NDST1: variants seen among roughly 807,000 people sequenced by gnomAD.
NDST1 encodes the protein N-deacetylase and N-sulfotransferase 1, also known as bifunctional heparan sulfate N-deacetylase/N-sulfotransferase 1.
A neutral mutation model predicts 92.8 loss-of-function variants in NDST1; 35 were observed. The ratio of observed to expected loss-of-function variants is 0.38; its 90% CI spans 0.29 to 0.50. The LOEUF (loss-of-function observed/expected upper bound fraction) is 0.50. Among genes scored for constraint, NDST1 ranks in the 20% least tolerant of loss-of-function variants. The pLI, the probability that NDST1 is intolerant of heterozygous loss-of-function variation, is 0.94. For synonymous variants in NDST1, 493 were observed against 500.3 expected, an observed-to-expected ratio of 0.99 and a Z score of 0.19; for missense variants, 822 against 1,182.7, an observed-to-expected ratio of 0.69 and a Z score of 4.47.
At chr5:150,516,154 G>A (rs1471331602) in intron 1 of NDST1, among the ~76,000 whole-genome samples, 4 of 152,220 alleles carry the variant, frequency 2.6e-5, no homozygotes, top group African/African-American at 7.2e-5. Flanking sequence ...AGAGGAGGAC[G>A]GCAGCCCTGG....
chr5:150,507,266 C>CTTT (rs377397910), upstream of NDST1, among the ~76,000 whole-genome samples: 66 of 146,910 alleles, frequency 4.5e-4, no homozygotes, highest in African/African-American at 1.6e-3. Flanking sequence ...ATAAACATAC[C>CTTT]TTTTTTTTTT....
At chr5:150,504,346 A>G (rs1459739711), upstream of NDST1, among the ~76,000 whole-genome samples, 1 of 152,194 alleles carries the variant, frequency 6.6e-6, no homozygotes, top group African/African-American at 2.4e-5. Flanking sequence ...AGAGCAAGGC[A>G]CTTGACCAAG....
At chr5:150,503,952 G>T (rs777812437), upstream of NDST1, among the ~76,000 whole-genome samples, 24 of 152,200 alleles carry the variant, frequency 1.6e-4, no homozygotes, top group Middle Eastern at 3.2e-3. Context: ...TCTGGACAGG[G>T]CTGATGGGTC....
intron 3 of NDST1, among the ~76,000 whole-genome samples, chr5:150,529,511 C>T (rs1023135840): frequency 1.3e-5 from 2 of 151,662 alleles, no homozygotes; most frequent in African/African-American, 2.4e-5. Flanking sequence ...CAAATTAAGA[C>T]CATTAAACAA....
intron 1 of NDST1, among the ~76,000 whole-genome samples, chr5:150,513,118 C>T (rs748335391): frequency 1.3e-5 from 2 of 151,412 alleles, no homozygotes; most frequent in East Asian, 1.9e-4. Context: ...ATCACTTGAG[C>T]GTGGGAAGTT....
rs751722605 is a variant in NDST1, at chr5:150,539,219, C to G, written c.1438-9C>G. On this transcript the variant is annotated splice_polypyrimidine_tract_variant and intron_variant, in intron 6 of 14. Transcript: ENST00000261797. ...GCACCATAGCTCCTCTCCCCCACCC[C>G]CTCCTCAGGTTCTCCCACGGCAGAC... The G allele has an allele frequency of 9.3e-6, 15 of 1,612,166 alleles. No individual in the cohort carries two copies. Among genetic ancestry groups the G allele is most frequent in the Non-Finnish European group, 1.1e-5 (13 of 1,178,340 alleles).
chr5:150,534,330 C>G (rs1018393383), intron 4 of NDST1, among the ~76,000 whole-genome samples: 1 of 152,198 alleles, frequency 6.6e-6, no homozygotes, highest in Middle Eastern at 3.4e-3. Context: ...TCTCAAACCT[C>G]TAGGCTCAAA....
At chr5:150,501,391 C>T (rs1241580359) in intron 1 of NDST1, among the ~76,000 whole-genome samples, 1 of 152,212 alleles carries the variant, frequency 6.6e-6, no homozygotes, top group Admixed American at 6.5e-5. Context: ...AGTTCTCCCT[C>T]ATGGCCAAAA....
chr5:150,542,065 T>C (rs1362855376), intron 9 of NDST1, among the ~76,000 whole-genome samples: 3 of 152,118 alleles, frequency 2.0e-5, no homozygotes, highest in Non-Finnish European at 4.4e-5. Flanking sequence ...TGCTAAGCAT[T>C]TGTCATCCAT....
upstream of NDST1, among the ~76,000 whole-genome samples, chr5:150,503,978 TG>T: frequency 6.6e-6 from 1 of 152,048 alleles, no homozygotes; most frequent in Non-Finnish European, 1.5e-5. Context: ...GATCCTGGAG[TG>T]GCAGTCCACT....
chr5:150,541,562 T>C lies in NDST1; in HGVS notation c.1750-8T>C. Reference sequence around the variant, plus strand: ...GCGCCCCACACATCCCTTCCACTGTTGTTTTAGGACCCCTGCGAGGACAAA... The same window carrying C: ...GCGCCCCACACATCCCTTCCACTGTCGTTTTAGGACCCCTGCGAGGACAAA... On this transcript the variant is annotated splice_polypyrimidine_tract_variant and splice_region_variant and intron_variant, in intron 8 of 14. Coordinates refer to ENST00000261797, the MANE Select transcript of NDST1 (RefSeq NM_001543.5). The C allele has an allele frequency of 6.2e-7, 1 of 1,614,088 alleles. No homozygotes were observed. Among genetic ancestry groups the C allele is most frequent in the Non-Finnish European group, 8.5e-7 (1 of 1,179,958 alleles).
At chr5:150,536,883 C>T (rs574135394) in intron 6 of NDST1, among the ~76,000 whole-genome samples, 20 of 152,352 alleles carry the variant, frequency 1.3e-4, no homozygotes, top group Non-Finnish European at 2.4e-4. Context: ...TATCCCTTTC[C>T]TTGGCACTGG....
At position 150,557,412 on chromosome 5, in the gene NDST1, C is replaced by G. The variant is rs1755892895; in HGVS notation, c.*4080C>G. On this transcript the variant is annotated 3_prime_UTR_variant, in exon 15 of 15. Coordinates refer to ENST00000261797, the MANE Select transcript of NDST1 (RefSeq NM_001543.5). The surrounding 1 kb of genome is among the most constrained non-coding windows in gnomAD (Gnocchi z 4.7). The stretch of plus-strand genomic sequence containing the variant: ...GTGTGCACTGGAGCAGAGCCAGGCT[C>G]TCAGTTGCAGCAGGGAAAAGCCTAC... The G allele has an allele frequency of 6.6e-6, 1 of 152,634 alleles. No homozygotes were observed. The highest frequency in any genetic ancestry group is 2.4e-5 in the African/African-American group (1 of 41,448). The allele number at this position is 152,634 out of a possible 1,614,324, so 9.5% of individuals were successfully genotyped here.
intron 6 of NDST1, among the ~76,000 whole-genome samples, chr5:150,537,908 T>C (rs1755067085): frequency 6.6e-6 from 1 of 152,052 alleles, no homozygotes; most frequent in African/African-American, 2.4e-5. Flanking sequence ...TTAGGGAAAA[T>C]AGAAAAGGAC....
intron 3 of NDST1, among the ~76,000 whole-genome samples, chr5:150,532,252 G>A (rs1217831922): frequency 6.6e-6 from 1 of 152,182 alleles, no homozygotes; most frequent in African/African-American, 2.4e-5. Context: ...CATACATGCG[G>A]TTATCTTACT....
Position 150,532,934 on chromosome 5 carries a change from G to A in NDST1, c.1009-11G>A. ...TCCCTCACTCATTCCTTTCTCCCCT[G>A]CCTGTCCTAGGCCCTGTTTGACACA... On this transcript the variant is annotated splice_polypyrimidine_tract_variant and intron_variant, in intron 3 of 14. Transcript: ENST00000261797. 1 of 1,613,724 alleles carries A rather than the reference G, an allele frequency of 6.2e-7. No individual in the cohort carries two copies. The highest frequency in any genetic ancestry group is 8.5e-7 in the Non-Finnish European group (1 of 1,179,650).
intron 11 of NDST1, among the ~76,000 whole-genome samples, chr5:150,546,408 C>T (rs887232851): frequency 6.6e-6 from 1 of 152,222 alleles, no homozygotes; most frequent in Non-Finnish European, 1.5e-5. Context: ...GGAGTCCCTC[C>T]CCTGGCTGCC....
At chr5:150,535,067 G>A in intron 5 of NDST1, 46 bp downstream of exon 5, 4 of 1,586,272 alleles carry the variant, frequency 2.5e-6, no homozygotes, top group Non-Finnish European at 3.4e-6. Context: ...GCTAAGGGCT[G>A]GGCTGGAGGT....
chr5:150,504,355 A>G (rs1165578505), upstream of NDST1, among the ~76,000 whole-genome samples: 1 of 152,164 alleles, frequency 6.6e-6, no homozygotes, highest in East Asian at 1.9e-4. Context: ...CACTTGACCA[A>G]GGTCTCACAA....
Sources: allele counts gnomAD v4.1 joint callset (sites outside exome capture counted in the v4.1 genomes callset), GRCh38; gene constraint gnomAD v4.1.1; non-coding constraint Gnocchi (gnomAD v3.1); transcripts MANE v1.5; gene names NCBI Gene and HGNC (gene_info 2026-07-23, HGNC 2026-07-21).